Variants in PHF24 observed in about 807,000 individuals in gnomAD.
PHF24 encodes the protein PHD finger protein 24, also known as Galpha inhibitory interacting protein.
A neutral mutation model predicts 42.6 loss-of-function variants in PHF24; 25 were observed. The ratio of observed to expected loss-of-function variants is 0.59; its 90% CI spans 0.43 to 0.82. The LOEUF is 0.82. Among genes scored for constraint, PHF24 ranks in the 40% least tolerant of loss-of-function variants. The pLI is 0.00. For synonymous variants in PHF24, 185 were observed against 204.8 expected (o/e 0.90, Z 0.83); for missense variants, 470 against 538.1 (o/e 0.87, Z 1.25).
At chr9:34,928,941 A>G in the PHF24 span, among the ~76,000 whole-genome samples, 2 of 152,194 alleles carry the variant, frequency 1.3e-5, no homozygotes, top group Admixed American at 6.5e-5. Flanking sequence ...GGGGCTACAC[A>G]GGAACTTTTG....
the PHF24 span, among the ~76,000 whole-genome samples, chr9:34,919,268 C>T: frequency 1.4e-4 from 21 of 152,244 alleles, no homozygotes; most frequent in Non-Finnish European, 2.6e-4. Context: ...ATTAGAATGT[C>T]TATCACCTAA....
At chr9:34,852,674 T>A in the PHF24 span, among the ~76,000 whole-genome samples, 1 of 152,246 alleles carries the variant, frequency 6.6e-6, no homozygotes, top group Non-Finnish European at 1.5e-5. Flanking sequence ...TGTGCTATGC[T>A]TCCTTTCTCT....
chr9:34,720,318 G>A, the PHF24 span, among the ~76,000 whole-genome samples: 4 of 152,070 alleles, frequency 2.6e-5, no homozygotes, highest in East Asian at 1.9e-4. Flanking sequence ...GGTGGCGGGC[G>A]CCTGTAGTCC....
the PHF24 span, among the ~76,000 whole-genome samples, chr9:34,698,764 G>T: frequency 6.6e-6 from 1 of 152,216 alleles, no homozygotes; most frequent in Non-Finnish European, 1.5e-5. Flanking sequence ...ACAGGTGTGA[G>T]CCACCGTGCC....
At chr9:34,858,106 T>C in the PHF24 span, among the ~76,000 whole-genome samples, 1 of 152,196 alleles carries the variant, frequency 6.6e-6, no homozygotes, top group African/African-American at 2.4e-5. Flanking sequence ...TTTCTTTCCA[T>C]TCCATAAGAA....
At chr9:34,841,467 AT>A in the PHF24 span, among the ~76,000 whole-genome samples, 1 of 152,142 alleles carries the variant, frequency 6.6e-6, no homozygotes, top group African/African-American at 2.4e-5. Context: ...CCACAGTTTC[AT>A]TTTTGTTGCT....
the PHF24 span, among the ~76,000 whole-genome samples, chr9:34,677,487 C>A: frequency 4.7e-5 from 7 of 150,000 alleles, no homozygotes; most frequent in Admixed American, 6.7e-5. Context: ...AGCTCCGCCT[C>A]CCGGGTTCAC....
At chr9:34,887,479 T>C in the PHF24 span, among the ~76,000 whole-genome samples, 1 of 151,780 alleles carries the variant, frequency 6.6e-6, no homozygotes, top group South Asian at 2.1e-4. Context: ...ATTCCTTTAT[T>C]ACTCTGCTTT....
upstream of PHF24, among the ~76,000 whole-genome samples, chr9:34,955,880 A>G (rs1826360308): frequency 6.6e-6 from 1 of 152,224 alleles, no homozygotes; most frequent in Non-Finnish European, 1.5e-5. Flanking sequence ...TAACCTCTCC[A>G]TTCTCTGAAC....
chr9:34,810,093 G>C, the PHF24 span, among the ~76,000 whole-genome samples: 2 of 151,872 alleles, frequency 1.3e-5, no homozygotes, highest in African/African-American at 2.4e-5. Flanking sequence ...CCAGCAAGCC[G>C]GCCCTCGAGC....
chr9:34,899,748 G>A, the PHF24 span, among the ~76,000 whole-genome samples: 1 of 152,152 alleles, frequency 6.6e-6, no homozygotes, highest in African/African-American at 2.4e-5. Flanking sequence ...AGACACTAGA[G>A]GGCAGCACAT....
the PHF24 span, among the ~76,000 whole-genome samples, chr9:34,758,944 T>C: frequency 1.3e-3 from 202 of 152,156 alleles, 1 homozygote; most frequent in Non-Finnish European, 2.4e-3. This position sits in a 1 kb window ranked among gnomAD's most constrained non-coding sequence, Gnocchi z 4.4. Flanking sequence ...AGGTGGGGCT[T>C]CAGAGGCTGG....
the PHF24 span, among the ~76,000 whole-genome samples, chr9:34,875,235 T>C: frequency 6.6e-6 from 1 of 152,202 alleles, no homozygotes; most frequent in Non-Finnish European, 1.5e-5. Flanking sequence ...GAGAATTCTG[T>C]TCTTGCATCA....
chr9:34,681,361 A>G, the PHF24 span: 2 of 152,222 alleles, frequency 1.3e-5, no homozygotes, highest in Non-Finnish European at 2.9e-5. Context: ...ATGTAAGATT[A>G]CAGTAAAACT....
the PHF24 span, among the ~76,000 whole-genome samples, chr9:34,716,191 T>A: frequency 0.12 from 18,673 of 152,174 alleles, 1,251 homozygotes; most frequent in Middle Eastern, 0.24. Context: ...GAGTCATAAG[T>A]GTGCAAAATG....
the PHF24 span, among the ~76,000 whole-genome samples, chr9:34,871,029 G>T: frequency 6.6e-6 from 1 of 152,184 alleles, no homozygotes; most frequent in African/African-American, 2.4e-5. Context: ...TTACCAGCCT[G>T]TTTTCCAAAG....
the PHF24 span, among the ~76,000 whole-genome samples, chr9:34,819,616 T>G: frequency 6.6e-6 from 1 of 152,178 alleles, no homozygotes; most frequent in Non-Finnish European, 1.5e-5. Context: ...TTTCCAGATA[T>G]CTTTCTGCCA....
the PHF24 span, among the ~76,000 whole-genome samples, chr9:34,809,176 T>C: frequency 2.6e-5 from 4 of 152,042 alleles, no homozygotes; most frequent in Non-Finnish European, 1.5e-5. The surrounding 1 kb of genome is among the most constrained non-coding windows in gnomAD (Gnocchi z 4.1). Flanking sequence ...CAAGATGAGA[T>C]GAATTCTTTT....
At chr9:34,940,422 T>C in the PHF24 span, among the ~76,000 whole-genome samples, 1 of 151,862 alleles carries the variant, frequency 6.6e-6, no homozygotes, top group African/African-American at 2.4e-5. Context: ...AAAACCTGTC[T>C]TGACTGGTGA....
Sources: allele counts gnomAD v4.1 joint callset (sites outside exome capture counted in the v4.1 genomes callset), GRCh38; gene constraint gnomAD v4.1.1; non-coding constraint Gnocchi (gnomAD v3.1); transcripts MANE v1.5; gene names NCBI Gene and HGNC (gene_info 2026-07-23, HGNC 2026-07-21).